Variants in CNBD1 observed in about 807,000 individuals in gnomAD.
CNBD1 encodes cyclic nucleotide binding domain containing 1.
A neutral mutation model predicts 54.4 loss-of-function variants in CNBD1; 71 were observed. The ratio of observed to expected loss-of-function variants is 1.30; its 90% confidence interval spans 1.08 to 1.59. The LOEUF is 1.59. CNBD1 is among the 40% of genes most tolerant of loss of function. The pLI is 0.00. For synonymous variants in CNBD1, 182 were observed against 170.7 expected (o/e 1.07, Z -0.51); for missense variants, 659 against 518.0 (o/e 1.27, Z -2.64).
chr8:87,321,397 G>A (rs980369197), intron 8 of CNBD1, among the ~76,000 whole-genome samples: 1 of 152,126 alleles, frequency 6.6e-6, no homozygotes, highest in Admixed American at 6.6e-5. Context: ...CCCAACACCT[G>A]TAAGGCAATA....
chr8:86,934,738 G>T (rs774144954), intron 3 of CNBD1, among the ~76,000 whole-genome samples: 25 of 151,852 alleles, frequency 1.6e-4, no homozygotes, highest in Non-Finnish European at 2.9e-4. Flanking sequence ...TTTTCCTTAC[G>T]TATTTTGTTA....
At chr8:87,350,580 A>G (rs888691423) in intron 8 of CNBD1, among the ~76,000 whole-genome samples, 7 of 151,826 alleles carry the variant, frequency 4.6e-5, no homozygotes, top group East Asian at 1.9e-4. Context: ...GGTAACATCA[A>G]TAATTTTTAT....
At chr8:87,420,757 G>C (rs1210977370) in intron 2 of CNBD1, among the ~76,000 whole-genome samples, 7 of 148,240 alleles carry the variant, frequency 4.7e-5, no homozygotes, top group South Asian at 2.1e-4. Context: ...GCTATAAATT[G>C]TTTGCTTGAT....
intron 4 of CNBD1, among the ~76,000 whole-genome samples, chr8:86,995,676 T>C (rs1475979136): frequency 2.1e-5 from 3 of 143,276 alleles, no homozygotes; most frequent in Non-Finnish European, 4.5e-5. Flanking sequence ...TGGACAGCAG[T>C]GTGTGTATGG....
At chr8:87,408,607 G>A (rs569759285) in intron 2 of CNBD1, among the ~76,000 whole-genome samples, 37 of 151,650 alleles carry the variant, frequency 2.4e-4, no homozygotes, top group Non-Finnish European at 4.4e-4. Flanking sequence ...TCAGTTTATC[G>A]TGCTTCATTA....
At chr8:87,010,073 G>C (rs951908654) in intron 4 of CNBD1, among the ~76,000 whole-genome samples, 13 of 151,792 alleles carry the variant, frequency 8.6e-5, no homozygotes, top group Non-Finnish European at 4.4e-5. Flanking sequence ...TTAATTTTTG[G>C]AATTATTTTT....
chr8:87,102,814 C>T (rs1478666479), intron 4 of CNBD1, among the ~76,000 whole-genome samples: 1 of 152,072 alleles, frequency 6.6e-6, no homozygotes. Context: ...CGGGGTTTCA[C>T]TGTATTAGCC....
intron 4 of CNBD1, among the ~76,000 whole-genome samples, chr8:86,956,438 C>T (rs988352534): frequency 5.9e-5 from 9 of 152,138 alleles, no homozygotes; most frequent in Non-Finnish European, 8.8e-5. Context: ...ACCATTTTCA[C>T]GACATTGATT....
At position 87,365,196 on chromosome 8, in the gene CNBD1, C is replaced by G. The variant is rs190245028; in HGVS notation, c.1303+11410C>G. ...TAGTAATTCAGTCAAAATGGCTATT[C>G]TGACTGATGTGATGTGAGATGACAT... On this transcript the variant is annotated intron_variant, in intron 10 of 10. Transcript: ENST00000518476. Among the ~76,000 whole-genome samples the G allele has an allele frequency of 3.9e-3, 591 of 152,104 alleles. 8 individuals carry two copies. The highest frequency in any genetic ancestry group is 0.013 in the African/African-American group (556 of 41,542).
chr8:87,110,486 ATTCT>A, intron 4 of CNBD1, among the ~76,000 whole-genome samples: 1 of 152,154 alleles, frequency 6.6e-6, no homozygotes, highest in South Asian at 2.1e-4. Flanking sequence ...AGATGTTGAG[ATTCT>A]TTCTTTGTGA....
chr8:86,992,619 C>T (rs1428550267), intron 4 of CNBD1, among the ~76,000 whole-genome samples: 1 of 151,990 alleles, frequency 6.6e-6, no homozygotes. Context: ...CTTCTGAATC[C>T]ATGCTTAACA....
intron 4 of CNBD1, among the ~76,000 whole-genome samples, chr8:86,972,117 A>G (rs151298421): frequency 0.026 from 3,926 of 151,968 alleles, 84 homozygotes; most frequent in Non-Finnish European, 0.04. Context: ...ATGCCTGGCT[A>G]ATTTTTGAAT....
chr8:87,123,407 C>A (rs976242347), intron 4 of CNBD1, among the ~76,000 whole-genome samples: 1 of 151,646 alleles, frequency 6.6e-6, no homozygotes, highest in Non-Finnish European at 1.5e-5. Flanking sequence ...CACGATGCTC[C>A]TAAACAACCT....
intron 4 of CNBD1, among the ~76,000 whole-genome samples, chr8:87,007,640 A>T (rs1316624628): frequency 6.6e-6 from 1 of 152,102 alleles, no homozygotes; most frequent in Non-Finnish European, 1.5e-5. Context: ...CTTTCAGCAG[A>T]TGAAATTAAG....
intron 4 of CNBD1, among the ~76,000 whole-genome samples, chr8:87,132,871 C>T (rs2130728534): frequency 6.7e-6 from 1 of 149,670 alleles, no homozygotes; most frequent in Middle Eastern, 3.4e-3. Context: ...CATTTTGGGA[C>T]TCAAATTACA....
intron 2 of CNBD1, among the ~76,000 whole-genome samples, chr8:87,414,755 G>T (rs1324468749): frequency 6.7e-6 from 1 of 149,946 alleles, no homozygotes; most frequent in African/African-American, 2.5e-5. Flanking sequence ...GGTGTGACTT[G>T]AAAACTAAAG....
intron 1 of CNBD1, among the ~76,000 whole-genome samples, chr8:86,868,040 T>C (rs1808389347): frequency 6.6e-6 from 1 of 152,214 alleles, no homozygotes; most frequent in South Asian, 2.1e-4. Flanking sequence ...TGTGTCTTTT[T>C]GCTAACTGTA....
chr8:87,427,883 G>T (rs1346727411), intron 2 of CNBD1, among the ~76,000 whole-genome samples: 1 of 152,032 alleles, frequency 6.6e-6, no homozygotes, highest in African/African-American at 2.4e-5. Flanking sequence ...AACATAAAGG[G>T]CAGTTGGCCA....
chr8:87,376,627 T>A (rs1202222562), intron 10 of CNBD1, among the ~76,000 whole-genome samples: 8 of 151,774 alleles, frequency 5.3e-5, no homozygotes. Context: ...TTTGGGTACT[T>A]CCATAGAAAT....
Sources: allele counts gnomAD v4.1 joint callset (sites outside exome capture counted in the v4.1 genomes callset), GRCh38; gene constraint gnomAD v4.1.1; transcripts MANE v1.5; gene names NCBI Gene and HGNC (gene_info 2026-07-23, HGNC 2026-07-21).